RFX3: variants seen among roughly 807,000 people sequenced by gnomAD.
RFX3 encodes the protein transcription factor RFX3.
Under a neutral mutation model 98.6 loss-of-function variants are expected in RFX3, and 14 were observed. The ratio of observed to expected loss-of-function variants is 0.14; its 90% CI spans 0.09 to 0.22. RFX3 has a LOEUF of 0.22. RFX3 is among the 10% of genes least tolerant of loss of function. The pLI is 1.00. For synonymous variants in RFX3, 383 were observed against 328.4 expected (o/e 1.17, Z -1.80); for missense variants, 639 against 926.9 (o/e 0.69, Z 4.03).
chr9:3,406,733 T>C (rs1842009618), intron 1 of RFX3, among the ~76,000 whole-genome samples: 1 of 152,198 alleles, frequency 6.6e-6, no homozygotes, highest in African/African-American at 2.4e-5. Context: ...AATATAATTG[T>C]ATATTACAGA....
intron 1 of RFX3, among the ~76,000 whole-genome samples, chr9:3,504,203 T>C (rs1287969128): frequency 7.6e-6 from 1 of 132,320 alleles, no homozygotes; most frequent in Non-Finnish European, 1.5e-5. Flanking sequence ...TTATATATAT[T>C]ATATATATTA....
chr9:3,335,373 ACTCT>A (rs1794759492), intron 3 of RFX3, among the ~76,000 whole-genome samples: 1 of 151,968 alleles, frequency 6.6e-6, no homozygotes, highest in Admixed American at 6.5e-5. Context: ...CTAGAAATAG[ACTCT>A]CTAATTCTGA....
Position 3,331,273 on chromosome 9 carries a change from A to G in RFX3, c.216-756T>C, listed in dbSNP as rs76464007. Among the ~76,000 whole-genome samples, 4 of 152,302 alleles carry G rather than the reference A, an allele frequency of 2.6e-5. No individual in the cohort carries two copies. The East Asian group carries it at 7.7e-4, about 29-fold the overall frequency. Reference sequence around the variant, plus strand: ...AGTCCTTATCTCTTGTGACCTATCTATAGTATGACACTGTTGGCCACTCCA... The same window carrying G: ...AGTCCTTATCTCTTGTGACCTATCTGTAGTATGACACTGTTGGCCACTCCA... On this transcript the variant is annotated intron_variant, in intron 3 of 16. Coordinates refer to ENST00000617270, the MANE Select transcript of RFX3 (RefSeq NM_001282116.2).
chr9:3,248,479 C>T (rs1273863815), intron 14 of RFX3, among the ~76,000 whole-genome samples: 1 of 152,166 alleles, frequency 6.6e-6, no homozygotes, highest in Admixed American at 6.6e-5. Context: ...ACAAATAAAT[C>T]AGAATTGAAC....
intron 7 of RFX3, among the ~76,000 whole-genome samples, chr9:3,286,924 A>C (rs995807827): frequency 1.6e-4 from 25 of 151,858 alleles, no homozygotes; most frequent in African/African-American, 6.0e-4. Context: ...CTCAAAGAGC[A>C]CTTTCTCTAG....
chr9:3,413,516 T>C (rs1165176715), intron 1 of RFX3, among the ~76,000 whole-genome samples: 1 of 152,100 alleles, frequency 6.6e-6, no homozygotes, highest in Non-Finnish European at 1.5e-5. Context: ...TATGCTCTTT[T>C]CATGTTTCAG....
intron 2 of RFX3, among the ~76,000 whole-genome samples, chr9:3,348,594 A>G (rs1001678499): frequency 1.3e-5 from 2 of 152,074 alleles, no homozygotes; most frequent in Non-Finnish European, 2.9e-5. Context: ...ACTTTGAAAT[A>G]AAGTTTTTAT....
At chr9:3,249,670 A>C (rs1821125803) in intron 14 of RFX3, among the ~76,000 whole-genome samples, 1 of 152,090 alleles carries the variant, frequency 6.6e-6, no homozygotes, top group Non-Finnish European at 1.5e-5. Context: ...CTAAAATAAT[A>C]ATAATAAGAA....
chr9:3,287,002 T>C (rs1361748253), intron 7 of RFX3, among the ~76,000 whole-genome samples: 1 of 151,962 alleles, frequency 6.6e-6, no homozygotes, highest in African/African-American at 2.4e-5. Context: ...AGTTCCTTGA[T>C]CAAAGTTTTA....
chr9:3,496,875 T>A (rs529626531), intron 1 of RFX3, among the ~76,000 whole-genome samples: 1 of 152,132 alleles, frequency 6.6e-6, no homozygotes, highest in East Asian at 1.9e-4. Context: ...GATACTTGTG[T>A]ATGTGGAACT....
chr9:3,357,740 T>C (rs1367049126), intron 2 of RFX3, among the ~76,000 whole-genome samples: 1 of 152,054 alleles, frequency 6.6e-6, no homozygotes, highest in East Asian at 1.9e-4. Context: ...GCTAGAAGAA[T>C]CGTAATGTTC....
chr9:3,283,381 G>C (rs1826165705), intron 7 of RFX3, among the ~76,000 whole-genome samples: 1 of 151,734 alleles, frequency 6.6e-6, no homozygotes, highest in African/African-American at 2.4e-5. Flanking sequence ...CAATCTGTGA[G>C]ATAGTCTATT....
intron 6 of RFX3, among the ~76,000 whole-genome samples, chr9:3,290,454 A>G (rs951852873): frequency 6.6e-6 from 1 of 152,202 alleles, no homozygotes; most frequent in East Asian, 1.9e-4. Flanking sequence ...ACAACAATAC[A>G]GCTATTAGAA....
At chr9:3,241,418 G>C (rs1350117838) in intron 15 of RFX3, among the ~76,000 whole-genome samples, 4 of 152,088 alleles carry the variant, frequency 2.6e-5, no homozygotes, top group East Asian at 1.9e-4. Context: ...GAGAGGAGAG[G>C]TTATAGCCCA....
At chr9:3,244,007 ATTT>A (rs71324236) in intron 15 of RFX3, among the ~76,000 whole-genome samples, 2 of 145,670 alleles carry the variant, frequency 1.4e-5, no homozygotes, top group Non-Finnish European at 3.0e-5. Flanking sequence ...TATTTTTATT[ATTT>A]TTTTTTTTTG....
intron 3 of RFX3, among the ~76,000 whole-genome samples, chr9:3,333,154 G>A (rs766562724): frequency 2.6e-5 from 4 of 152,282 alleles, no homozygotes; most frequent in Non-Finnish European, 2.9e-5. Context: ...TATGGTAGAC[G>A]TAATAGCCAG....
At chr9:3,460,015 G>C (rs1309816494) in intron 1 of RFX3, among the ~76,000 whole-genome samples, 2 of 151,670 alleles carry the variant, frequency 1.3e-5, no homozygotes, top group Non-Finnish European at 2.9e-5. Context: ...TGACATGATG[G>C]AGAAAAAAAA....
At chr9:3,394,889 A>G (rs1840696778) in intron 2 of RFX3, 1 of 960,490 alleles carries the variant, frequency 1.0e-6, no homozygotes, top group Admixed American at 6.2e-5. Context: ...CTGCGTATGA[A>G]TAAGACCTGT....
In RFX3 at chr9:3,504,972, A is replaced by AATATATC. The variant is rs1587885925; in HGVS notation, c.-9+20774_-9+20775insGATATAT. ...ATAATATATATTATATATAATATAT[A>AATATATC]TTATATAATATATATGTTATATATA... On this transcript the variant is annotated intron_variant, in intron 1 of 16. Coordinates refer to ENST00000617270, the MANE Select transcript of RFX3 (RefSeq NM_001282116.2). Among the ~76,000 whole-genome samples, 276 of 66,002 alleles carry AATATATC rather than the reference A, an allele frequency of 4.2e-3. 13 individuals are homozygous for AATATATC. In the East Asian group the frequency reaches 0.063, roughly 15 times the overall value. The allele number at this position is 66,002 out of a possible 152,430, so 43.3% of individuals were successfully genotyped here. A position where few individuals can be genotyped will look rare whatever the true frequency, so the allele number is the denominator to read the frequency against.
Sources: allele counts gnomAD v4.1 joint callset (sites outside exome capture counted in the v4.1 genomes callset), GRCh38; gene constraint gnomAD v4.1.1; transcripts MANE v1.5; gene names NCBI Gene and HGNC (gene_info 2026-07-23, HGNC 2026-07-21).